Variants in CACNA2D3 observed in about 807,000 individuals in gnomAD.
CACNA2D3 encodes the protein calcium voltage-gated channel auxiliary subunit alpha2delta 3, also known as voltage-dependent calcium channel subunit alpha-2/delta-3.
A neutral mutation model predicts 160.6 loss-of-function variants in CACNA2D3; 60 were observed. That is an observed-to-expected ratio of 0.37 (90% CI 0.30 to 0.46). The LOEUF (loss-of-function observed/expected upper bound fraction) is 0.46. Ranked by LOEUF, CACNA2D3 falls within the 20% of genes least tolerant of loss-of-function variation. The probability of loss-of-function intolerance (pLI) is 1.00; values close to 1 mark genes in which losing one functional copy is unlikely to be tolerated. For missense variants in CACNA2D3, 1,205 were observed against 1,365.0 expected, an observed-to-expected ratio of 0.88 and a Z score of 1.85; for synonymous variants, 558 against 492.9, an observed-to-expected ratio of 1.13 and a Z score of -1.75.
intron 8 of CACNA2D3, among the ~76,000 whole-genome samples, chr3:54,574,176 T>C (rs983628510): frequency 6.6e-6 from 1 of 152,142 alleles, no homozygotes; most frequent in African/African-American, 2.4e-5. Context: ...GATAGCTCAC[T>C]GTTTTAGAGG....
At chr3:54,640,840 T>G (rs923675735) in intron 10 of CACNA2D3, among the ~76,000 whole-genome samples, 26 of 152,198 alleles carry the variant, frequency 1.7e-4, no homozygotes, top group African/African-American at 6.0e-4. Flanking sequence ...TCATTTAGAT[T>G]TTGAAAGAGA....
At chr3:54,637,908 C>T (rs922541433) in intron 10 of CACNA2D3, 13 of 152,044 alleles carry the variant, frequency 8.6e-5, no homozygotes, top group African/African-American at 2.2e-4. Flanking sequence ...TGCGGGCGTT[C>T]CTTGGCCCAG....
intron 11 of CACNA2D3, among the ~76,000 whole-genome samples, chr3:54,664,574 A>G (rs1237976613): frequency 6.6e-6 from 1 of 152,228 alleles, no homozygotes; most frequent in African/African-American, 2.4e-5. Flanking sequence ...AGTTAACTGC[A>G]AATGAAACCG....
chr3:54,290,821 A>C lies in CACNA2D3; in HGVS notation c.205-29621A>C, dbSNP rs1406864668. Among the ~76,000 whole-genome samples, 5 of 152,056 alleles carry C rather than the reference A, an allele frequency of 3.3e-5. No homozygotes were observed. The South Asian group carries it at 1.0e-3, about 32-fold the overall frequency. ...AACTATCGCAAGGATAAAAAACCAA[A>C]CACCGCATGTTCTCACTCATAGGTG... On this transcript the variant is annotated intron_variant, in intron 2 of 37. Coordinates refer to ENST00000474759, the MANE Select transcript of CACNA2D3 (RefSeq NM_018398.3).
intron 13 of CACNA2D3, among the ~76,000 whole-genome samples, chr3:54,783,625 T>A (rs1168947736): frequency 6.7e-6 from 1 of 149,256 alleles, no homozygotes; most frequent in East Asian, 1.9e-4. Context: ...AATAAATAAA[T>A]AAAAATAAAA....
At chr3:54,166,889 G>A (rs1700468168) in intron 2 of CACNA2D3, among the ~76,000 whole-genome samples, 1 of 152,116 alleles carries the variant, frequency 6.6e-6, no homozygotes, top group African/African-American at 2.4e-5. Context: ...ATAGATTTCA[G>A]GTCATTTTTC....
chr3:54,695,395 T>C (rs1361660910), intron 11 of CACNA2D3, among the ~76,000 whole-genome samples: 1 of 145,528 alleles, frequency 6.9e-6, no homozygotes, highest in Non-Finnish European at 1.5e-5. Context: ...TTCTTGTTGC[T>C]TTTTTTTTTT....
chr3:54,873,727 G>A (rs1188503840), intron 18 of CACNA2D3, among the ~76,000 whole-genome samples: 4 of 152,112 alleles, frequency 2.6e-5, no homozygotes, highest in African/African-American at 9.7e-5. Flanking sequence ...ATTGTTCTCT[G>A]GTTACGTCTT....
At position 54,245,913 on chromosome 3, in the gene CACNA2D3, C is replaced by A. The variant is rs139778959; in HGVS notation, c.205-74529C>A. Among the ~76,000 whole-genome samples, 10 of 152,320 alleles carry A rather than the reference C, an allele frequency of 6.6e-5. 1 individual carries two copies. The highest frequency in any genetic ancestry group is 1.2e-4 in the Non-Finnish European group (8 of 68,032). On this transcript the variant is annotated intron_variant, in intron 2 of 37. Coordinates refer to ENST00000474759, the MANE Select transcript of CACNA2D3 (RefSeq NM_018398.3). Reference sequence around the variant, plus strand: ...TCTATCATCATTGTCATCTGGTAGTCCCTGGAGTTCCAAGCAATCTGCCCA... The same window carrying A: ...TCTATCATCATTGTCATCTGGTAGTACCTGGAGTTCCAAGCAATCTGCCCA...
chr3:54,405,473 A>G (rs1208795394), intron 4 of CACNA2D3, among the ~76,000 whole-genome samples: 2 of 152,142 alleles, frequency 1.3e-5, no homozygotes, highest in African/African-American at 4.8e-5. Context: ...AATGGGGGAA[A>G]GAATAGTCTC....
At chr3:54,362,158 C>T (rs539795880) in intron 3 of CACNA2D3, among the ~76,000 whole-genome samples, 1 of 152,250 alleles carries the variant, frequency 6.6e-6, no homozygotes, top group East Asian at 1.9e-4. Flanking sequence ...GGTCAGAGGT[C>T]CAGGCACAGC....
chr3:54,867,612 G>A (rs1222587524), intron 17 of CACNA2D3, among the ~76,000 whole-genome samples: 2 of 151,532 alleles, frequency 1.3e-5, no homozygotes, highest in South Asian at 2.1e-4. Flanking sequence ...AGGATTTCAG[G>A]TACAGCCTGA....
chr3:54,625,115 T>A (rs952579406), intron 9 of CACNA2D3, among the ~76,000 whole-genome samples: 1 of 152,134 alleles, frequency 6.6e-6, no homozygotes, highest in African/African-American at 2.4e-5. Flanking sequence ...TGAGACTGCC[T>A]AGTTCCCTGG....
At chr3:54,178,102 A>G (rs1700709628) in intron 2 of CACNA2D3, among the ~76,000 whole-genome samples, 1 of 152,200 alleles carries the variant, frequency 6.6e-6, no homozygotes, top group Non-Finnish European at 1.5e-5. Flanking sequence ...TCTGTAAAGT[A>G]GTAAGCTGGA....
intron 29 of CACNA2D3, among the ~76,000 whole-genome samples, chr3:54,972,089 T>C (rs1477288947): frequency 1.3e-5 from 2 of 152,218 alleles, no homozygotes; most frequent in Non-Finnish European, 2.9e-5. Context: ...CAATGGTATA[T>C]ACACTTTGGG....
intron 12 of CACNA2D3, among the ~76,000 whole-genome samples, chr3:54,755,824 T>TA (rs1158879510): frequency 6.6e-6 from 1 of 152,196 alleles, no homozygotes; most frequent in Non-Finnish European, 1.5e-5. Context: ...TAATTTTTTT[T>TA]AAAAAAATTT....
At chr3:54,756,360 C>T (rs1286246295) in intron 12 of CACNA2D3, among the ~76,000 whole-genome samples, 3 of 152,198 alleles carry the variant, frequency 2.0e-5, no homozygotes, top group Non-Finnish European at 4.4e-5. Flanking sequence ...CCCATATAAA[C>T]ATTGGCTTCA....
At chr3:54,254,090 C>T (rs771370499) in intron 2 of CACNA2D3, among the ~76,000 whole-genome samples, 3 of 152,060 alleles carry the variant, frequency 2.0e-5, no homozygotes, top group Admixed American at 6.6e-5. Flanking sequence ...TTACAGTGAG[C>T]GGCTGGTTTA....
chr3:54,351,864 T>C (rs1466062452), intron 3 of CACNA2D3, among the ~76,000 whole-genome samples: 1 of 152,210 alleles, frequency 6.6e-6, no homozygotes, highest in African/African-American at 2.4e-5. Flanking sequence ...ATCTTAGCAT[T>C]CAAAGATCTC....
Sources: allele counts gnomAD v4.1 joint callset (sites outside exome capture counted in the v4.1 genomes callset), GRCh38; gene constraint gnomAD v4.1.1; transcripts MANE v1.5; gene names NCBI Gene and HGNC (gene_info 2026-07-23, HGNC 2026-07-21).